Variants in PRKAG2 observed in about 807,000 individuals in gnomAD.
PRKAG2 encodes the protein 5'-AMP-activated protein kinase subunit gamma-2.
Under a neutral mutation model 69.6 loss-of-function variants are expected in PRKAG2, and 26 were observed. The observed-to-expected ratio is 0.37, with a 90% CI of 0.27 to 0.52. The LOEUF (loss-of-function observed/expected upper bound fraction) is 0.52, where lower values mean the gene tolerates loss of function less well. PRKAG2 is among the 20% of genes least tolerant of loss of function. The probability of loss-of-function intolerance (pLI) is 0.90; values close to 1 mark genes in which losing one functional copy is unlikely to be tolerated. For missense variants in PRKAG2, 557 were observed against 740.0 expected, an observed-to-expected ratio of 0.75 and a Z score of 2.87; for synonymous variants, 293 against 285.0, an observed-to-expected ratio of 1.03 and a Z score of -0.28.
chr7:151,838,370 C>T (rs1365820825), intron 1 of PRKAG2, among the ~76,000 whole-genome samples: 6 of 152,084 alleles, frequency 3.9e-5, no homozygotes, highest in East Asian at 1.9e-4. Context: ...CTCCAGCAGA[C>T]GGGTATCCTG....
In PRKAG2 at chr7:151,632,449, C is replaced by A. The variant is rs1040736983; in HGVS notation, c.685-311G>T. On this transcript the variant is annotated intron_variant, in intron 4 of 15. Transcript: ENST00000287878. This position sits in a 1 kb window ranked among gnomAD's most constrained non-coding sequence, Gnocchi z 4.2. Reference sequence around the variant, plus strand: ...AAGCGTGGGAAGGGACCCGGGAGCTCGAGGGCGGCAGCGCCTGGGCCCGGG... The same window carrying A: ...AAGCGTGGGAAGGGACCCGGGAGCTAGAGGGCGGCAGCGCCTGGGCCCGGG... 19 of 626,790 alleles carry A rather than the reference C, an allele frequency of 3.0e-5. No individual in the cohort carries two copies. The Admixed American group carries it at 3.8e-4, about 13-fold the overall frequency. The allele number at this position is 626,790 out of a possible 1,614,324, so 38.8% of individuals were successfully genotyped here. A position where few individuals can be genotyped will look rare whatever the true frequency, so the allele number is the denominator to read the frequency against.
intron 1 of PRKAG2, among the ~76,000 whole-genome samples, chr7:151,795,878 T>TATATATATACATATATATATATATATAC (rs1563689675): frequency 1.3e-3 from 152 of 115,122 alleles, no homozygotes; most frequent in African/African-American, 5.2e-3. Context: ...TATATATATA[T>TATATATATACATATATATATATATATAC]ATATATATAT....
chr7:151,708,134 C>T (rs893642810), intron 3 of PRKAG2, among the ~76,000 whole-genome samples: 1 of 152,250 alleles, frequency 6.6e-6, no homozygotes, highest in African/African-American at 2.4e-5. Context: ...CAACATTTGG[C>T]TGACCTGGAC....
At chr7:151,809,165 T>G (rs921249788) in intron 1 of PRKAG2, 12 of 447,370 alleles carry the variant, frequency 2.7e-5, no homozygotes, top group African/African-American at 2.4e-4. Context: ...AATGCCTGCC[T>G]TGGGTCTTGG....
chr7:151,808,116 C>T (rs536693485), intron 1 of PRKAG2, among the ~76,000 whole-genome samples: 2 of 152,170 alleles, frequency 1.3e-5, no homozygotes, highest in Non-Finnish European at 2.9e-5. Context: ...AGTGTCCTCA[C>T]TCACTGCACT....
At chr7:151,806,612 A>C in intron 1 of PRKAG2, 1 of 176,090 alleles carries the variant, frequency 5.7e-6, no homozygotes, top group South Asian at 1.1e-4. Flanking sequence ...TTGGGTGGAC[A>C]ATCCTTCAAA....
chr7:151,732,399 A>G (rs1219326016), intron 3 of PRKAG2, among the ~76,000 whole-genome samples: 7 of 151,776 alleles, frequency 4.6e-5, no homozygotes, highest in Admixed American at 4.6e-4. Flanking sequence ...TCCGCCTCCC[A>G]AAGTGCTGGG....
chr7:151,786,944 T>C (rs2077040019), intron 1 of PRKAG2, among the ~76,000 whole-genome samples: 1 of 152,176 alleles, frequency 6.6e-6, no homozygotes, highest in Non-Finnish European at 1.5e-5. Context: ...AGGAAGATGA[T>C]GGGACAGGGA....
chr7:151,844,777 G>A (rs964340623), intron 1 of PRKAG2, among the ~76,000 whole-genome samples: 1 of 152,170 alleles, frequency 6.6e-6, no homozygotes, highest in Non-Finnish European at 1.5e-5. Flanking sequence ...TTAAAGCCCC[G>A]TGTCTAAAAC....
intron 5 of PRKAG2, among the ~76,000 whole-genome samples, chr7:151,625,421 G>A (rs1299730683): frequency 6.6e-6 from 1 of 152,194 alleles, no homozygotes; most frequent in Non-Finnish European, 1.5e-5. Flanking sequence ...AGGAGAAGGG[G>A]GCAAGGAGGG....
intron 1 of PRKAG2, 114 bp downstream of exon 1, chr7:151,876,393 G>A: frequency 9.5e-7 from 1 of 1,057,022 alleles, no homozygotes; most frequent in Non-Finnish European, 1.4e-6. Flanking sequence ...GCCGCCCGAA[G>A]TGACAGGAGG....
At chr7:151,801,816 A>G (rs1479252591) in intron 1 of PRKAG2, among the ~76,000 whole-genome samples, 1 of 152,212 alleles carries the variant, frequency 6.6e-6, no homozygotes, top group Non-Finnish European at 1.5e-5. Flanking sequence ...GTCAGGTACA[A>G]AAAACAGGGG....
chr7:151,781,543 C>A lies in PRKAG2; in HGVS notation c.187-112G>T, dbSNP rs1198930532. Reference sequence around the variant, plus strand: ...TCTCACATGCGGGCCCCCCATAGTACCCTCCCAGAGAAACAGCCCTAAGCT... The same window carrying A: ...TCTCACATGCGGGCCCCCCATAGTAACCTCCCAGAGAAACAGCCCTAAGCT... On this transcript the variant is annotated intron_variant, in intron 2 of 15. Coordinates refer to ENST00000287878, the MANE Select transcript of PRKAG2 (RefSeq NM_016203.4). The surrounding 1 kb of genome is among the most constrained non-coding windows in gnomAD (Gnocchi z 6.1). 7.5e-7 allele frequency: 1 copy of A among 1,325,310 alleles called. No homozygotes were observed. Among genetic ancestry groups the A allele is most frequent in the Non-Finnish European group, 1.0e-6 (1 of 959,608 alleles). The allele number at this position is 1,325,310 out of a possible 1,614,324, so 82.1% of individuals were successfully genotyped here.
chr7:151,781,137 G>C lies in PRKAG2; in HGVS notation c.466+15C>G. The C allele has an allele frequency of 6.2e-7, 1 of 1,613,674 alleles. No individual in the cohort carries two copies. The highest frequency in any genetic ancestry group is 8.5e-7 in the Non-Finnish European group (1 of 1,179,992). On this transcript the variant is annotated intron_variant, in intron 3 of 15. Coordinates refer to ENST00000287878, the MANE Select transcript of PRKAG2 (RefSeq NM_016203.4). This position sits in a 1 kb window ranked among gnomAD's most constrained non-coding sequence, Gnocchi z 6.1. Reference sequence around the variant, plus strand: ...ACCCCAGCACCCACCTGAAACAATAGCATCAAGGTCTTACTTTTTCTGGAG... The same window carrying C: ...ACCCCAGCACCCACCTGAAACAATACCATCAAGGTCTTACTTTTTCTGGAG...
At position 151,756,801 on chromosome 7, in the gene PRKAG2, A is replaced by C. The variant is rs2075122328; in HGVS notation, c.466+24351T>G. On this transcript the variant is annotated intron_variant, in intron 3 of 15. Transcript: ENST00000287878. The surrounding 1 kb of genome is among the most constrained non-coding windows in gnomAD (Gnocchi z 4.9). ...TCTCAGCTCTTTCCTCACCTTTATA[A>C]CCACGCAGCCACATAATCAGAACTG... Among the ~76,000 whole-genome samples, 1 of 151,696 alleles carries C rather than the reference A, an allele frequency of 6.6e-6. No individual in the cohort carries two copies. The highest frequency in any genetic ancestry group is 6.6e-5 in the Admixed American group (1 of 15,234).
intron 3 of PRKAG2, among the ~76,000 whole-genome samples, chr7:151,760,240 T>C (rs1407626638): frequency 6.6e-5 from 5 of 76,130 alleles, no homozygotes; most frequent in Non-Finnish European, 2.4e-5. Flanking sequence ...GAGCTGGGTG[T>C]TTGTTTATTG....
chr7:151,857,242 T>C (rs1195240696), intron 1 of PRKAG2, among the ~76,000 whole-genome samples: 1 of 151,826 alleles, frequency 6.6e-6, no homozygotes, highest in Admixed American at 6.6e-5. Context: ...TGCTTTTTGC[T>C]GGGTGACATT....
chr7:151,797,032 G>T (rs779823401), intron 1 of PRKAG2, among the ~76,000 whole-genome samples: 7 of 152,206 alleles, frequency 4.6e-5, no homozygotes, highest in Middle Eastern at 3.4e-3. Flanking sequence ...CGACTCAAGG[G>T]AAAGGCCCCG....
intron 1 of PRKAG2, among the ~76,000 whole-genome samples, chr7:151,796,664 C>A (rs2077552590): frequency 6.6e-6 from 1 of 152,124 alleles, no homozygotes; most frequent in African/African-American, 2.4e-5. Flanking sequence ...TCTTTTTCAC[C>A]CCTGAGTCAC....
Sources: allele counts gnomAD v4.1 joint callset (sites outside exome capture counted in the v4.1 genomes callset), GRCh38; gene constraint gnomAD v4.1.1; non-coding constraint Gnocchi (gnomAD v3.1); transcripts MANE v1.5; gene names NCBI Gene and HGNC (gene_info 2026-07-23, HGNC 2026-07-21).